Variants in ACTR3B observed in about 807,000 individuals in gnomAD.
ACTR3B encodes the protein actin related protein 3B.
ACTR3B carries 8 observed loss-of-function variants against 59.0 expected under a neutral mutation model. The ratio of observed to expected loss-of-function variants is 0.14; its 90% confidence interval spans 0.08 to 0.24. The LOEUF (loss-of-function observed/expected upper bound fraction) is 0.24. ACTR3B is among the 10% of genes least tolerant of loss of function. The probability of loss-of-function intolerance (pLI) is 1.00; values close to 1 mark genes in which losing one functional copy is unlikely to be tolerated. For synonymous variants in ACTR3B, 148 were observed against 197.9 expected (o/e 0.75, Z 2.12); for missense variants, 245 against 552.3 (o/e 0.44, Z 5.58).
intron 9 of ACTR3B, 72 bp downstream of exon 9, chr7:152,825,194 A>C: frequency 1.4e-6 from 2 of 1,387,408 alleles, no homozygotes; most frequent in Non-Finnish European, 9.8e-7. Context: ...AGAAGACGGT[A>C]TTACTGTCTA....
At chr7:152,850,951 T>A (rs1798754886) in intron 9 of ACTR3B, among the ~76,000 whole-genome samples, 1 of 152,146 alleles carries the variant, frequency 6.6e-6, no homozygotes. Context: ...TTTTGACTCC[T>A]TGAAGGATTA....
intron 6 of ACTR3B, 91 bp from the exon 7 acceptor site, chr7:152,820,208 A>G (rs1796036012): frequency 6.4e-7 from 1 of 1,560,216 alleles, no homozygotes; most frequent in Non-Finnish European, 8.7e-7. Flanking sequence ...AGGGGCAGAC[A>G]GGGAGGCTGA....
At position 152,855,056 on chromosome 7, in the gene ACTR3B, A is replaced by G. The variant is rs1209149893; in HGVS notation, c.*503A>G. 1 of 154,632 alleles carries G rather than the reference A, an allele frequency of 6.5e-6. No individual in the cohort carries two copies. Among genetic ancestry groups the G allele is most frequent in the Admixed American group, 6.4e-5 (1 of 15,550 alleles). The allele number at this position is 154,632 out of a possible 1,614,324, so 9.6% of individuals were successfully genotyped here. A position where few individuals can be genotyped will look rare whatever the true frequency, so the allele number is the denominator to read the frequency against. The stretch of plus-strand genomic sequence containing the variant: ...ACTGGCTGATACTAAGCACGAATAG[A>G]TATTGATGTTATGGAGTGCTGTAAT... On this transcript the variant is annotated 3_prime_UTR_variant, in exon 12 of 12. Transcript: ENST00000256001.
At chr7:152,765,953 A>C (rs1344881196) in intron 1 of ACTR3B, among the ~76,000 whole-genome samples, 1 of 151,880 alleles carries the variant, frequency 6.6e-6, no homozygotes, top group Non-Finnish European at 1.5e-5. Context: ...TTCATATTTT[A>C]ACAACCCACT....
chr7:152,824,492 T>C lies in ACTR3B; in HGVS notation c.859-538T>C, dbSNP rs1590375839. ...CTTTAGCTTATTTAACTTATGGAAT[T>C]GAATCTATGGCTGTTTATTCAATAA... is the stretch of plus-strand genomic sequence containing the variant. On this transcript the variant is annotated intron_variant, in intron 8 of 11. Coordinates refer to ENST00000256001, the MANE Select transcript of ACTR3B (RefSeq NM_020445.6). This position sits in a 1 kb window ranked among gnomAD's most constrained non-coding sequence, Gnocchi z 4.2. Among the ~76,000 whole-genome samples, 1 of 152,224 alleles carries C rather than the reference T, an allele frequency of 6.6e-6. No individual in the cohort carries two copies. Among genetic ancestry groups the C allele is most frequent in the Non-Finnish European group, 1.5e-5 (1 of 68,044 alleles).
At chr7:152,789,414 C>A (rs1293853698) in intron 2 of ACTR3B, among the ~76,000 whole-genome samples, 1 of 150,668 alleles carries the variant, frequency 6.6e-6, no homozygotes, top group African/African-American at 2.5e-5. Context: ...AACCCCAAGA[C>A]AACTCTTCCA....
At chr7:152,784,955 A>G (rs1438345050) in intron 2 of ACTR3B, among the ~76,000 whole-genome samples, 1 of 152,054 alleles carries the variant, frequency 6.6e-6, no homozygotes, top group Admixed American at 6.5e-5. Context: ...GTCCATGACA[A>G]TTGGTGTTCT....
rs972981381 is a variant in ACTR3B at position 152,854,142 on chromosome 7, A to G, written c.1162-316A>G. Among the ~76,000 whole-genome samples, 1 of 152,254 alleles carries G rather than the reference A, an allele frequency of 6.6e-6. No homozygotes were observed. The highest frequency in any genetic ancestry group is 1.5e-5 in the Non-Finnish European group (1 of 68,052). The stretch of plus-strand genomic sequence containing the variant: ...CAAAAATAATCTAAAAAAGTCCTGC[A>G]TTAATCATTAATTCCAGTGACTTTT... On this transcript the variant is annotated intron_variant, in intron 11 of 11. Coordinates refer to ENST00000256001, the MANE Select transcript of ACTR3B (RefSeq NM_020445.6). This position sits in a 1 kb window ranked among gnomAD's most constrained non-coding sequence, Gnocchi z 4.9.
rs140795767 is a variant in ACTR3B, at chr7:152,828,368, C to T, written c.951+3246C>T. ...CCGTCAGCCCTCCCAGATGGACTCT[C>T]GCTGTGTGGGATGGAGTAGGGTCCC... On this transcript the variant is annotated intron_variant, in intron 9 of 11. Transcript: ENST00000256001. 3.0e-3 allele frequency among the ~76,000 whole-genome samples: 462 copies of T among 152,240 alleles called. 3 individuals carry two copies. Among genetic ancestry groups the T allele is most frequent in the African/African-American group, 0.01 (420 of 41,530 alleles).
chr7:152,794,070 T>C (rs1382204910), intron 2 of ACTR3B, among the ~76,000 whole-genome samples: 1 of 152,162 alleles, frequency 6.6e-6, no homozygotes, highest in Non-Finnish European at 1.5e-5. Flanking sequence ...CACATCTTGT[T>C]CCATAGGTAT....
intron 9 of ACTR3B, among the ~76,000 whole-genome samples, chr7:152,836,446 CT>C (rs1797463860): frequency 6.6e-6 from 1 of 152,038 alleles, no homozygotes; most frequent in Non-Finnish European, 1.5e-5. Flanking sequence ...AATTAGCCAG[CT>C]GTGGTGGAAC....
intron 1 of ACTR3B, among the ~76,000 whole-genome samples, chr7:152,765,958 C>A (rs2098108710): frequency 6.6e-6 from 1 of 151,838 alleles, no homozygotes; most frequent in South Asian, 2.1e-4. Flanking sequence ...ATTTTAACAA[C>A]CCACTTTCAT....
intron 1 of ACTR3B, among the ~76,000 whole-genome samples, chr7:152,762,506 T>G (rs1362655264): frequency 1.3e-5 from 2 of 152,232 alleles, no homozygotes; most frequent in Non-Finnish European, 2.9e-5. Context: ...CTGCACTGTT[T>G]GAGAGTAAGT....
intron 1 of ACTR3B, among the ~76,000 whole-genome samples, chr7:152,765,121 T>C (rs1432360038): frequency 8.9e-6 from 1 of 112,370 alleles, no homozygotes. Flanking sequence ...TTTTTTTTTT[T>C]TTTTTTTTTT....
intron 4 of ACTR3B, among the ~76,000 whole-genome samples, chr7:152,808,703 T>C (rs1362072084): frequency 1.3e-5 from 2 of 152,244 alleles, no homozygotes; most frequent in Admixed American, 6.5e-5. Flanking sequence ...ATTTCAGTTA[T>C]AATTATGCTT....
intron 2 of ACTR3B, among the ~76,000 whole-genome samples, chr7:152,794,889 A>G (rs370700808): frequency 6.6e-6 from 1 of 152,148 alleles, no homozygotes; most frequent in Non-Finnish European, 1.5e-5. Flanking sequence ...TTATAATTTG[A>G]TATCTTTGAG....
At chr7:152,801,510 T>C in intron 3 of ACTR3B, 111 bp from the exon 4 acceptor site, 1 of 1,401,314 alleles carries the variant, frequency 7.1e-7, no homozygotes, top group Non-Finnish European at 9.6e-7. Context: ...AAAACTGCAA[T>C]AAGAAGGATA....
intron 4 of ACTR3B, among the ~76,000 whole-genome samples, chr7:152,808,952 A>G (rs569811088): frequency 2.0e-5 from 3 of 152,324 alleles, no homozygotes; most frequent in Admixed American, 1.3e-4. Context: ...GAGAGATTGT[A>G]CACACTACTA....
intron 2 of ACTR3B, among the ~76,000 whole-genome samples, chr7:152,786,661 A>G (rs979601958): frequency 7.9e-5 from 12 of 151,880 alleles, no homozygotes; most frequent in African/African-American, 2.7e-4. Flanking sequence ...TCTGTATCAG[A>G]GTAAATGAAT....
Sources: allele counts gnomAD v4.1 joint callset (sites outside exome capture counted in the v4.1 genomes callset), GRCh38; gene constraint gnomAD v4.1.1; non-coding constraint Gnocchi (gnomAD v3.1); transcripts MANE v1.5; gene names NCBI Gene and HGNC (gene_info 2026-07-23, HGNC 2026-07-21).